The following ANKFN1 variants were observed in gnomAD, a reference collection of about 807,000 sequenced individuals.
ANKFN1 encodes the protein ankyrin repeat and fibronectin type-III domain-containing protein 1.
In ANKFN1, 74 loss-of-function variants were observed where a neutral mutation model predicts 108.7. The ratio of observed to expected loss-of-function variants is 0.68; its 90% CI spans 0.56 to 0.83. ANKFN1 has a LOEUF of 0.83. Among genes scored for constraint, ANKFN1 ranks in the 40% least tolerant of loss-of-function variants. ANKFN1 has a pLI of 0.00. For missense variants in ANKFN1, 1,505 were observed against 1,382.3 expected (o/e 1.09, Z -1.41); for synonymous variants, 547 against 516.2 (o/e 1.06, Z -0.81).
At chr17:56,049,032 G>T (rs1951820342) in intron 4 of ANKFN1, among the ~76,000 whole-genome samples, 1 of 152,186 alleles carries the variant, frequency 6.6e-6, no homozygotes, top group South Asian at 2.1e-4. Context: ...GGCCAGACAG[G>T]GCGCAAGGAT....
intron 1 of ANKFN1, among the ~76,000 whole-genome samples, chr17:56,160,184 A>AT (rs1352794688): frequency 2.6e-5 from 4 of 152,216 alleles, no homozygotes; most frequent in Non-Finnish European, 4.4e-5. Flanking sequence ...CTGCAATTTT[A>AT]TTATGAGGCT....
intron 11 of ANKFN1, among the ~76,000 whole-genome samples, 170 bp from the exon 12 acceptor site, chr17:56,456,691 C>G (rs553672392): frequency 1.3e-5 from 2 of 151,810 alleles, no homozygotes; most frequent in African/African-American, 4.8e-5. Context: ...CCACCGTGCC[C>G]GGCTACAAGA....
chr17:56,214,250 C>T (rs887802120), intron 2 of ANKFN1, among the ~76,000 whole-genome samples: 1 of 152,100 alleles, frequency 6.6e-6, no homozygotes, highest in African/African-American at 2.4e-5. Context: ...TAGTAGAAAA[C>T]GTTTAGAGGA....
At chr17:56,090,207 A>G (rs766812642) in intron 4 of ANKFN1, among the ~76,000 whole-genome samples, 5 of 151,140 alleles carry the variant, frequency 3.3e-5, no homozygotes, top group Non-Finnish European at 7.4e-5. Flanking sequence ...TGTATAGTGT[A>G]TGAGCCAGAA....
At chr17:56,212,461 T>C (rs1915087816) in intron 1 of ANKFN1, among the ~76,000 whole-genome samples, 137 bp from the exon 2 acceptor site, 2 of 152,188 alleles carry the variant, frequency 1.3e-5, no homozygotes, top group Admixed American at 1.3e-4. Context: ...TTGAGGATTT[T>C]TGCATTTATG....
At chr17:56,490,249 G>C (rs1283737279) in intron 18 of ANKFN1, among the ~76,000 whole-genome samples, 1 of 152,200 alleles carries the variant, frequency 6.6e-6, no homozygotes, top group East Asian at 1.9e-4. Context: ...TGCTCTAGGA[G>C]CACAAAAGAG....
chr17:56,399,684 C>A (rs926129457), intron 8 of ANKFN1, among the ~76,000 whole-genome samples: 1 of 151,732 alleles, frequency 6.6e-6, no homozygotes, highest in Non-Finnish European at 1.5e-5. Context: ...TATGCCTTTG[C>A]GTCCTGATAG....
intron 15 of ANKFN1, among the ~76,000 whole-genome samples, chr17:56,469,196 A>C (rs1342579104): frequency 6.6e-6 from 1 of 151,984 alleles, no homozygotes; most frequent in Non-Finnish European, 1.5e-5. Flanking sequence ...TGACTGGCAC[A>C]TTCCCACCTG....
chr17:56,068,390 G>A (rs1342817173), intron 4 of ANKFN1, among the ~76,000 whole-genome samples: 1 of 152,182 alleles, frequency 6.6e-6, no homozygotes, highest in Non-Finnish European at 1.5e-5. Flanking sequence ...GAGTTGCTGG[G>A]ACATGGCCAG....
At chr17:56,475,330 C>T (rs1048128263) in intron 15 of ANKFN1, among the ~76,000 whole-genome samples, 6 of 152,104 alleles carry the variant, frequency 3.9e-5, no homozygotes, top group African/African-American at 1.4e-4. Context: ...CATCTGAAAC[C>T]CCAATGTCTC....
chr17:56,303,352 C>A (rs1048328520), intron 3 of ANKFN1, among the ~76,000 whole-genome samples: 1 of 152,130 alleles, frequency 6.6e-6, no homozygotes, highest in African/African-American at 2.4e-5. Flanking sequence ...GCACTGGATC[C>A]TGGTTAAACA....
chr17:56,434,734 C>G (rs1229406689), intron 8 of ANKFN1, among the ~76,000 whole-genome samples: 1 of 152,138 alleles, frequency 6.6e-6, no homozygotes, highest in Admixed American at 6.6e-5. Flanking sequence ...CTTCTCATCT[C>G]TAGAAATGAC....
intron 4 of ANKFN1, among the ~76,000 whole-genome samples, chr17:56,336,747 A>G (rs940232601): frequency 6.6e-6 from 1 of 151,370 alleles, no homozygotes; most frequent in Admixed American, 6.6e-5. Flanking sequence ...TTAGTTATTT[A>G]TTGCCTTCTG....
chr17:56,266,587 T>C (rs2043658310), intron 3 of ANKFN1, among the ~76,000 whole-genome samples: 1 of 152,216 alleles, frequency 6.6e-6, no homozygotes, highest in African/African-American at 2.4e-5. Flanking sequence ...TGTGTCAGGC[T>C]ACATGACCTT....
intron 1 of ANKFN1, among the ~76,000 whole-genome samples, chr17:56,203,255 T>C (rs1299425893): frequency 6.6e-6 from 1 of 152,184 alleles, no homozygotes; most frequent in Non-Finnish European, 1.5e-5. Flanking sequence ...GGGACATACA[T>C]ACATCTTAGG....
At chr17:56,266,036 G>T (rs2043641324) in intron 3 of ANKFN1, among the ~76,000 whole-genome samples, 1 of 152,118 alleles carries the variant, frequency 6.6e-6, no homozygotes, top group South Asian at 2.1e-4. Flanking sequence ...TTTTCTCTGG[G>T]ACACCAGAGT....
chr17:56,384,245 A>G (rs1420333530), intron 8 of ANKFN1, among the ~76,000 whole-genome samples: 2 of 152,240 alleles, frequency 1.3e-5, no homozygotes, highest in Admixed American at 1.3e-4. Context: ...TTATCTCAAT[A>G]GATGCAGAAC....
intron 20 of ANKFN1, among the ~76,000 whole-genome samples, chr17:56,506,101 T>G (rs1275388027): frequency 6.6e-6 from 1 of 152,190 alleles, no homozygotes; most frequent in African/African-American, 2.4e-5. Context: ...CTAGGGTACA[T>G]GTGCACGACG....
rs543430088 is a variant in ANKFN1 at position 56,441,657 on chromosome 17, C to T, written c.1009-1186C>T. Among the ~76,000 whole-genome samples the T allele has an allele frequency of 5.9e-5, 9 of 152,284 alleles. No individual in the cohort carries two copies. The South Asian group carries it at 1.7e-3, about 28-fold the overall frequency. ...ATATGTGATAAAAATGGAAAACTCT[C>T]CATAAAGAGTTTCTCTAATATCTGA... On this transcript the variant is annotated intron_variant, in intron 9 of 20. Coordinates refer to ENST00000682825, the MANE Select transcript of ANKFN1 (RefSeq NM_001370326.1).
Sources: gnomAD v4.1 joint callset for allele counts (sites outside exome capture counted in the v4.1 genomes callset) on GRCh38, gnomAD v4.1.1 for gene constraint, MANE v1.5 for transcripts, NCBI Gene and HGNC (gene_info 2026-07-23, HGNC 2026-07-21) for gene names.